Variants in FLNB observed in about 807,000 individuals in gnomAD.
FLNB encodes filamin B, also known as filamin-B.
FLNB carries 111 observed loss-of-function variants against 250.6 expected under a neutral mutation model. The observed-to-expected ratio is 0.44, with a 90% CI of 0.38 to 0.52. The LOEUF (loss-of-function observed/expected upper bound fraction) is 0.52, where lower values mean the gene tolerates loss of function less well. Ranked by LOEUF, FLNB falls within the 20% of genes least tolerant of loss-of-function variation. The pLI, the probability that FLNB is intolerant of heterozygous loss-of-function variation, is 0.00. For synonymous variants in FLNB, 1,302 were observed against 1,372.1 expected (o/e 0.95, Z 1.13); for missense variants, 2,869 against 3,447.8 (o/e 0.83, Z 4.20).
At chr3:58,017,346 G>A (rs997448400) in intron 1 of FLNB, among the ~76,000 whole-genome samples, 7 of 152,190 alleles carry the variant, frequency 4.6e-5, no homozygotes, top group Non-Finnish European at 1.0e-4. Flanking sequence ...CGCCTCCCGG[G>A]TTCAAGAGAT....
rs1309772853 is a variant in FLNB, at chr3:58,008,876, C to T, written c.292+20C>T. 6.2e-7 allele frequency: 1 copy of T among 1,613,090 alleles called. No individual in the cohort carries two copies. The highest frequency in any genetic ancestry group is 8.5e-7 in the Non-Finnish European group (1 of 1,179,848). On this transcript the variant is annotated intron_variant, in intron 1 of 45. Transcript: ENST00000295956. Reference sequence around the variant, plus strand: ...CCATCGGTGAGTTCTCTGGCCGGGCCCAGGCGCCCACTGTGGTGCCGACCC... The same window carrying T: ...CCATCGGTGAGTTCTCTGGCCGGGCTCAGGCGCCCACTGTGGTGCCGACCC...
intron 28 of FLNB, among the ~76,000 whole-genome samples, chr3:58,137,566 C>T (rs779462482): frequency 7.2e-5 from 11 of 152,242 alleles, no homozygotes; most frequent in Non-Finnish European, 1.5e-4. Context: ...ATTACTCCTA[C>T]GCACTTGGCT....
intron 42 of FLNB, among the ~76,000 whole-genome samples, chr3:58,160,695 T>C (rs1028046129): frequency 3.9e-5 from 6 of 152,144 alleles, no homozygotes; most frequent in Non-Finnish European, 7.4e-5. Flanking sequence ...TATAGTGTAG[T>C]TGGAAATCTA....
intron 1 of FLNB, among the ~76,000 whole-genome samples, chr3:58,038,079 G>A (rs2097140675): frequency 6.6e-6 from 1 of 152,180 alleles, no homozygotes; most frequent in Non-Finnish European, 1.5e-5. Flanking sequence ...GCCCAGGCTA[G>A]AGTGCAATGG....
At chr3:58,039,563 G>A (rs554364521) in intron 1 of FLNB, among the ~76,000 whole-genome samples, 1 of 152,270 alleles carries the variant, frequency 6.6e-6, no homozygotes, top group East Asian at 1.9e-4. Context: ...TACTAGACTT[G>A]ACTCTACTGT....
At chr3:58,111,698 G>T in intron 16 of FLNB, 93 bp from the exon 17 acceptor site, 2 of 904,092 alleles carry the variant, frequency 2.2e-6, no homozygotes, top group South Asian at 2.7e-5. Flanking sequence ...CGCTAAGTCA[G>T]AGTGATGCTA....
At chr3:58,083,949 C>T (rs1318770412) in intron 4 of FLNB, among the ~76,000 whole-genome samples, 1 of 151,972 alleles carries the variant, frequency 6.6e-6, no homozygotes, top group Non-Finnish European at 1.5e-5. Context: ...AATCCTAGCA[C>T]TTTGGAGGCT....
Position 58,148,794 on chromosome 3 carries a change from C to G in FLNB, c.6033C>G (p.Gly2011=), listed in dbSNP as rs1423667572. The G allele has an allele frequency of 6.2e-7, 1 of 1,613,886 alleles. No homozygotes were observed. Among genetic ancestry groups the G allele is most frequent in the Non-Finnish European group, 8.5e-7 (1 of 1,180,028 alleles). The part of the protein sequence containing the change: ...DARRAKVYGR[G]LSEGRTFEMS... ...GCCGAGCCAAAGTCTATGGCCGCGG[C>G]CTGTCAGAAGGCCGGACTTTCGAGA... Residue 2011 remains glycine, a synonymous_variant, in exon 36 of 46, where the codon GGC becomes GGG. Coordinates refer to ENST00000295956, the MANE Select transcript of FLNB (RefSeq NM_001457.4).
At chr3:58,009,753 G>A (rs934147638) in intron 1 of FLNB, among the ~76,000 whole-genome samples, 2 of 152,176 alleles carry the variant, frequency 1.3e-5, no homozygotes, top group Non-Finnish European at 2.9e-5. Context: ...ACAGTTAGAA[G>A]GAGGCTTTGT....
At chr3:58,139,427 A>G (rs1233928460) in intron 29 of FLNB, among the ~76,000 whole-genome samples, 1 of 152,180 alleles carries the variant, frequency 6.6e-6, no homozygotes, top group African/African-American at 2.4e-5. Flanking sequence ...CAGCCGACAA[A>G]GCACCTTCTA....
At chr3:58,106,458 AG>A (rs1276144244) in intron 11 of FLNB, among the ~76,000 whole-genome samples, 1 of 149,116 alleles carries the variant, frequency 6.7e-6, no homozygotes, top group Non-Finnish European at 1.5e-5. Flanking sequence ...CACCCAGCCC[AG>A]GCCTACATTT....
chr3:58,063,466 G>A (rs752988672), intron 1 of FLNB, among the ~76,000 whole-genome samples: 5 of 152,168 alleles, frequency 3.3e-5, no homozygotes, highest in African/African-American at 7.2e-5. Flanking sequence ...AAGTTGAGCC[G>A]TCAGCTGAGC....
Position 58,121,364 on chromosome 3 carries a change from T to G in FLNB, c.2987T>G (p.Val996Gly). ...GTCGTGCCATGCCTAGTGACACCTG[T>G]GACAGGCCGGGAGAACAGCACGGCC... is the stretch of plus-strand genomic sequence containing the variant. ...RKVVPCLVTPVTGRENSTAKF... is the reference protein window; with the variant it reads ...RKVVPCLVTPGTGRENSTAKF... Residue 996 changes from valine to glycine, a missense_variant, in exon 20 of 46, where the codon GTG (valine) becomes GGG (glycine). By Grantham distance (109) the Val-to-Gly change is moderately radical. Transcript: ENST00000295956. 3 of 1,614,060 alleles carry G rather than the reference T, an allele frequency of 1.9e-6. No individual in the cohort carries two copies. Among genetic ancestry groups the G allele is most frequent in the Non-Finnish European group, 2.5e-6 (3 of 1,180,002 alleles).
Position 58,169,833 on chromosome 3 carries a change from G to A in FLNB, c.7621+40G>A. The A allele has an allele frequency of 6.7e-7, 1 of 1,488,870 alleles. No individual in the cohort carries two copies. Among genetic ancestry groups the A allele is most frequent in the Non-Finnish European group, 9.3e-7 (1 of 1,071,990 alleles). 92.2% of individuals were successfully genotyped at this position (1,488,870 alleles called of 1,614,324 possible). A position where few individuals can be genotyped will look rare whatever the true frequency, so the allele number is the denominator to read the frequency against. ...CTTTTCAAGGGTGGGGTGGGGCAGG[G>A]GCAGGCTGGGCACCCTGGGTACACT... On this transcript the variant is annotated intron_variant, in intron 45 of 45. Transcript: ENST00000295956. This position sits in a 1 kb window ranked among gnomAD's most constrained non-coding sequence, Gnocchi z 4.8.
intron 38 of FLNB, chr3:58,150,428 C>A: frequency 1.6e-6 from 1 of 633,608 alleles, no homozygotes; most frequent in Non-Finnish European, 2.7e-6. Flanking sequence ...AAATGTTTAC[C>A]TTGCTACCTT....
At chr3:58,055,554 T>A (rs1363489587) in intron 1 of FLNB, among the ~76,000 whole-genome samples, 1 of 152,192 alleles carries the variant, frequency 6.6e-6, no homozygotes, top group African/African-American at 2.4e-5. Flanking sequence ...GGGAACAGTT[T>A]AAGATGAGAT....
At chr3:58,045,773 G>T (rs527540744) in intron 1 of FLNB, among the ~76,000 whole-genome samples, 1 of 152,266 alleles carries the variant, frequency 6.6e-6, no homozygotes, top group South Asian at 2.1e-4. Flanking sequence ...GCTGAGGCGG[G>T]TGCATCACTT....
intron 1 of FLNB, among the ~76,000 whole-genome samples, chr3:58,010,924 G>T (rs535772019): frequency 2.0e-5 from 3 of 151,874 alleles, no homozygotes; most frequent in Non-Finnish European, 4.4e-5. Context: ...CCCCACCACC[G>T]CCCCGCCTGG....
chr3:58,068,229 C>T (rs1009412242), intron 1 of FLNB, among the ~76,000 whole-genome samples: 9 of 152,238 alleles, frequency 5.9e-5, no homozygotes, highest in African/African-American at 2.2e-4. Flanking sequence ...GAGAAGGGGA[C>T]AAAGGCCACA....
Sources: allele counts gnomAD v4.1 joint callset (sites outside exome capture counted in the v4.1 genomes callset), GRCh38; gene constraint gnomAD v4.1.1; non-coding constraint Gnocchi (gnomAD v3.1); transcripts MANE v1.5; gene names NCBI Gene and HGNC (gene_info 2026-07-23, HGNC 2026-07-21).